Variants in SFT2D3 observed in about 807,000 individuals in gnomAD.
SFT2D3 encodes the protein vesicle transport protein SFT2C.
For synonymous variants in SFT2D3, 239 were observed against 191.2 expected (o/e 1.25, Z -2.06); for missense variants, 405 against 334.6 (o/e 1.21, Z -1.64).
In SFT2D3 at chr2:127,701,967, C is replaced by A; in HGVS notation, c.439C>A (p.Leu147Met). 1 of 1,392,812 alleles carries A rather than the reference C, an allele frequency of 7.2e-7. No homozygotes were observed. The allele number at this position is 1,392,812 out of a possible 1,614,324, so 86.3% of individuals were successfully genotyped here. The change falls in exon 1 of 1, where the codon CTG (leucine) becomes ATG (methionine). Residue 147 changes from leucine to methionine, a missense_variant. By Grantham distance (15) the Leu-to-Met change is conservative. Transcript: ENST00000310981. The stretch of plus-strand genomic sequence containing the variant: ...CGAAGAAGCGCCGTCCCGGCCCGCG[C>A]TGCTCTACATGGCAGCGCTGGGCGC... ...RCEEAPSRPA[L>M]LYMAALGATL...
At position 127,704,652 on chromosome 2, in the gene SFT2D3, A is replaced by G. The variant is rs1325042487; in HGVS notation, c.*2476A>G. ...ATAGTCTCTAGATTCTAACACTGAA[A>G]AGCAGTGTATATGGCTGACATTTTC... On this transcript the variant is annotated 3_prime_UTR_variant, in exon 1 of 1. Coordinates refer to ENST00000310981, the MANE Select transcript of SFT2D3 (RefSeq NM_032740.4). 1 of 167,086 alleles carries G rather than the reference A, an allele frequency of 6.0e-6. No homozygotes were observed. The highest frequency in any genetic ancestry group is 1.5e-5 in the Non-Finnish European group (1 of 68,114). The allele number at this position is 167,086 out of a possible 1,614,324, so 10.4% of individuals were successfully genotyped here. A position where few individuals can be genotyped will look rare whatever the true frequency, so the allele number is the denominator to read the frequency against.
rs1395887348 is a variant in SFT2D3 at position 127,702,058 on chromosome 2, T to C, written c.530T>C (p.Val177Ala). The change falls in exon 1 of 1, where the codon GTG (valine) becomes GCG (alanine). Residue 177 changes from valine (V) to alanine (A), a missense_variant. Val to Ala is a moderately conservative substitution (Grantham distance 64). Coordinates refer to ENST00000310981, the MANE Select transcript of SFT2D3 (RefSeq NM_032740.4). Reference protein sequence around the residue: ...LLTVLGAGAQVAALLAALVGL... With the variant: ...LLTVLGAGAQAAALLAALVGL... ...ACGGTGCTGGGCGCGGGCGCGCAGG[T>C]GGCCGCGCTGCTGGCCGCGCTGGTT... 1.3e-5 allele frequency: 16 copies of C among 1,209,920 alleles called. No homozygotes were observed. The highest frequency in any genetic ancestry group is 4.3e-5 in the Admixed American group (1 of 23,024). The allele number at this position is 1,209,920 out of a possible 1,614,324, so 74.9% of individuals were successfully genotyped here. A position where few individuals can be genotyped will look rare whatever the true frequency, so the allele number is the denominator to read the frequency against.
Position 127,701,760 on chromosome 2 carries a change from G to A in SFT2D3, c.232G>A (p.Ala78Thr), listed in dbSNP as rs1685889299. The change falls in exon 1 of 1, where the codon GCG (alanine) becomes ACG (threonine). Residue 78 changes from alanine (A) to threonine (T), a missense_variant. Coordinates refer to ENST00000310981, the MANE Select transcript of SFT2D3 (RefSeq NM_032740.4). Reference protein sequence around the residue: ...LPSVTRGQRLAAGGGCLLLAA... With the variant: ...LPSVTRGQRLTAGGGCLLLAA... ...GAGCGTGACGCGCGGGCAGCGGCTG[G>A]CGGCGGGCGGCGGGTGCCTGCTGCT... 2.1e-6 allele frequency: 3 copies of A among 1,422,218 alleles called. No homozygotes were observed. The South Asian group carries it at 4.1e-5, about 20-fold the overall frequency. The allele number at this position is 1,422,218 out of a possible 1,614,324, so 88.1% of individuals were successfully genotyped here.
Position 127,701,560 on chromosome 2 carries a change from A to G in SFT2D3, c.32A>G (p.Tyr11Cys). 1.5e-6 allele frequency: 2 copies of G among 1,368,990 alleles called. No homozygotes were observed. The highest frequency in any genetic ancestry group is 9.4e-7 in the Non-Finnish European group (1 of 1,059,920). The allele number at this position is 1,368,990 out of a possible 1,614,324, so 84.8% of individuals were successfully genotyped here. The change falls in exon 1 of 1, where the codon TAC becomes TGC. Residue 11 changes from tyrosine (Y) to cysteine (C), a missense_variant. Tyr to Cys is a radical substitution (Grantham distance 194). Transcript: ENST00000310981. ...GACCTCCACCGCCAGCTGCAGGAGTACCTGGCGCAGGGGAAAGCTGGCGGC... is the reference window on the plus strand; with the variant it reads ...GACCTCCACCGCCAGCTGCAGGAGTGCCTGGCGCAGGGGAAAGCTGGCGGC... Reference protein sequence around the residue: MADLHRQLQEYLAQGKAGGPA... With the variant: MADLHRQLQECLAQGKAGGPA...
chr2:127,701,854 C>G lies in SFT2D3; in HGVS notation c.326C>G (p.Ala109Gly). 1 of 1,461,332 alleles carries G rather than the reference C, an allele frequency of 6.8e-7. No individual in the cohort carries two copies. The highest frequency in any genetic ancestry group is 3.1e-5 in the East Asian group (1 of 32,546). 90.5% of individuals were successfully genotyped at this position (1,461,332 alleles called of 1,614,324 possible). Residue 109 changes from alanine (A) to glycine (G), a missense_variant, in exon 1 of 1, where the codon GCG becomes GGG. Coordinates refer to ENST00000310981, the MANE Select transcript of SFT2D3 (RefSeq NM_032740.4). ...PVLLLRARKF[A>G]LLWSLGSALA... is the part of the protein sequence containing the mutation. ...TTGCTGCTGCGCGCGCGCAAGTTCG[C>G]GCTGCTCTGGTCACTGGGCTCGGCG...
rs1268388797 is a variant in SFT2D3, at chr2:127,702,405, C to A, written c.*229C>A. The A allele has an allele frequency of 9.5e-6, 3 of 317,010 alleles. No homozygotes were observed. The highest frequency in any genetic ancestry group is 1.2e-4 in the East Asian group (2 of 16,572). 19.6% of individuals were successfully genotyped at this position (317,010 alleles called of 1,614,324 possible). A position where few individuals can be genotyped will look rare whatever the true frequency, so the allele number is the denominator to read the frequency against. Reference sequence around the variant, plus strand: ...CTGGACTTGGCACACGCTCTGAAAACTGAGATTTTGTCATTGAACTGGTGA... The same window carrying A: ...CTGGACTTGGCACACGCTCTGAAAAATGAGATTTTGTCATTGAACTGGTGA... On this transcript the variant is annotated 3_prime_UTR_variant, in exon 1 of 1. Transcript: ENST00000310981.
rs187518193 is a variant in SFT2D3, at chr2:127,703,214, G to A, written c.*1038G>A. The A allele has an allele frequency of 6.0e-6, 1 of 166,930 alleles. No individual in the cohort carries two copies. The highest frequency in any genetic ancestry group is 1.5e-5 in the Non-Finnish European group (1 of 68,098). 10.3% of individuals were successfully genotyped at this position (166,930 alleles called of 1,614,324 possible). On this transcript the variant is annotated 3_prime_UTR_variant, in exon 1 of 1. Coordinates refer to ENST00000310981, the MANE Select transcript of SFT2D3 (RefSeq NM_032740.4). ...TAAACATTGTGTGCCAGTGGTCCTCGCGCTTGACTGCACATCAGTTACTTG... is the reference window on the plus strand; with the variant it reads ...TAAACATTGTGTGCCAGTGGTCCTCACGCTTGACTGCACATCAGTTACTTG...
rs1026844794 is a variant in SFT2D3 at position 127,701,577 on chromosome 2, G to A, written c.49G>A (p.Ala17Thr). 1.5e-6 allele frequency: 2 copies of A among 1,363,316 alleles called. No homozygotes were observed. Among genetic ancestry groups the A allele is most frequent in the East Asian group, 3.0e-5 (1 of 33,156 alleles). 84.5% of individuals were successfully genotyped at this position (1,363,316 alleles called of 1,614,324 possible). A position where few individuals can be genotyped will look rare whatever the true frequency, so the allele number is the denominator to read the frequency against. Residue 17 changes from alanine to threonine, a missense_variant, in exon 1 of 1, where the codon GCT becomes ACT. Physicochemically the swap from Ala to Thr is moderately conservative, Grantham distance 58. Transcript: ENST00000310981. ...GCAGGAGTACCTGGCGCAGGGGAAA[G>A]CTGGCGGCCCGGCGGCCGCGGAGCC... ...QLQEYLAQGK[A>T]GGPAAAEPLL...
rs1685940800 is a variant in SFT2D3 at position 127,703,458 on chromosome 2, TCCTC to T, written c.*1284_*1287del. On this transcript the variant is annotated 3_prime_UTR_variant, in exon 1 of 1. Transcript: ENST00000310981. ...CGTGCCGCAGTAGAGCACTGCTGCT[TCCTC>T]CAACCCCAAAATTTATGTTCCTAAG... The T allele has an allele frequency of 6.0e-6, 1 of 167,094 alleles. No homozygotes were observed. The highest frequency in any genetic ancestry group is 2.1e-4 in the South Asian group (1 of 4,828). The allele number at this position is 167,094 out of a possible 1,614,324, so 10.4% of individuals were successfully genotyped here.
Position 127,701,791 on chromosome 2 carries a change from C to A in SFT2D3, c.263C>A (p.Ala88Glu), listed in dbSNP as rs1685891446. 1.4e-6 allele frequency: 2 copies of A among 1,451,208 alleles called. No homozygotes were observed. The highest frequency in any genetic ancestry group is 1.8e-6 in the Non-Finnish European group (2 of 1,105,152). The allele number at this position is 1,451,208 out of a possible 1,614,324, so 89.9% of individuals were successfully genotyped here. A position where few individuals can be genotyped will look rare whatever the true frequency, so the allele number is the denominator to read the frequency against. Reference protein sequence around the residue: ...AAGGGCLLLAALCFGLAALYA... With the variant: ...AAGGGCLLLAELCFGLAALYA... Reference sequence around the variant, plus strand: ...GGCGGCGGGTGCCTGCTGCTGGCTGCACTGTGTTTCGGCCTAGCCGCGCTC... The same window carrying A: ...GGCGGCGGGTGCCTGCTGCTGGCTGAACTGTGTTTCGGCCTAGCCGCGCTC... The change falls in exon 1 of 1, where the codon GCA (alanine) becomes GAA (glutamate). Residue 88 changes from alanine to glutamate, a missense_variant. Coordinates refer to ENST00000310981, the MANE Select transcript of SFT2D3 (RefSeq NM_032740.4).
In SFT2D3 at chr2:127,703,656, G is replaced by GT. The variant is rs1183976412; in HGVS notation, c.*1481dup. ...GGCTGCTTGTGAGAGAGCAAATGCAGTATCTTCAGAATGATTTATTTTTTT... is the reference window on the plus strand; with the variant it reads ...GGCTGCTTGTGAGAGAGCAAATGCAGTTATCTTCAGAATGATTTATTTTTTT... On this transcript the variant is annotated 3_prime_UTR_variant, in exon 1 of 1. Transcript: ENST00000310981. 4.8e-5 allele frequency: 8 copies of GT among 167,048 alleles called. No individual in the cohort carries two copies. The Admixed American group carries it at 5.2e-4, about 11-fold the overall frequency. 10.3% of individuals were successfully genotyped at this position (167,048 alleles called of 1,614,324 possible).
rs1249132983 is a variant in SFT2D3, at chr2:127,702,419, T to C, written c.*243T>C. 3.4e-6 allele frequency: 1 copy of C among 295,036 alleles called. No individual in the cohort carries two copies. Among genetic ancestry groups the C allele is most frequent in the East Asian group, 6.6e-5 (1 of 15,068 alleles). The allele number at this position is 295,036 out of a possible 1,614,324, so 18.3% of individuals were successfully genotyped here. On this transcript the variant is annotated 3_prime_UTR_variant, in exon 1 of 1. Transcript: ENST00000310981. Reference sequence around the variant, plus strand: ...CGCTCTGAAAACTGAGATTTTGTCATTGAACTGGTGACAGGATGTGAGACG... The same window carrying C: ...CGCTCTGAAAACTGAGATTTTGTCACTGAACTGGTGACAGGATGTGAGACG...
In SFT2D3 at chr2:127,701,950, C is replaced by T. The variant is rs760573967; in HGVS notation, c.422C>T (p.Ala141Val). 1.4e-6 allele frequency: 2 copies of T among 1,408,342 alleles called. No individual in the cohort carries two copies. Among genetic ancestry groups the T allele is most frequent in the Non-Finnish European group, 9.2e-7 (1 of 1,088,134 alleles). The allele number at this position is 1,408,342 out of a possible 1,614,324, so 87.2% of individuals were successfully genotyped here. A position where few individuals can be genotyped will look rare whatever the true frequency, so the allele number is the denominator to read the frequency against. ...GGACGCCTGCTGCGCTGCGAAGAAG[C>T]GCCGTCCCGGCCCGCGCTGCTCTAC... ...ACGRLLRCEEAPSRPALLYMA... is the reference protein window; with the variant it reads ...ACGRLLRCEEVPSRPALLYMA... The change falls in exon 1 of 1, where the codon GCG becomes GTG. Residue 141 changes from alanine (A) to valine (V), a missense_variant. Ala to Val is a moderately conservative substitution (Grantham distance 64, BLOSUM62 0). Coordinates refer to ENST00000310981, the MANE Select transcript of SFT2D3 (RefSeq NM_032740.4).
rs1488774748 is a variant in SFT2D3, at chr2:127,704,255, A to ATTGT, written c.*2082_*2085dup. 6.0e-6 allele frequency: 1 copy of ATTGT among 166,996 alleles called. No homozygotes were observed. The highest frequency in any genetic ancestry group is 2.4e-5 in the African/African-American group (1 of 41,470). The allele number at this position is 166,996 out of a possible 1,614,324, so 10.3% of individuals were successfully genotyped here. The stretch of plus-strand genomic sequence containing the variant: ...TTTAATAAGTATAATGTAGAGGTTT[A>ATTGT]TTGTTTAAATGAATTCACTCTCAAA... On this transcript the variant is annotated 3_prime_UTR_variant, in exon 1 of 1. Coordinates refer to ENST00000310981, the MANE Select transcript of SFT2D3 (RefSeq NM_032740.4).
chr2:127,702,359 C>T lies in SFT2D3; in HGVS notation c.*183C>T, dbSNP rs558979569. The T allele has an allele frequency of 9.3e-5, 44 of 471,662 alleles. No homozygotes were observed. Among genetic ancestry groups the T allele is most frequent in the East Asian group, 1.5e-4 (3 of 19,950 alleles). The allele number at this position is 471,662 out of a possible 1,614,324, so 29.2% of individuals were successfully genotyped here. A position where few individuals can be genotyped will look rare whatever the true frequency, so the allele number is the denominator to read the frequency against. ...GGAGGCGACAGCAGCGTTGGGAGCT[C>T]CTCGATGTCAGCTTTTTGTGCTGGA... On this transcript the variant is annotated 3_prime_UTR_variant, in exon 1 of 1. Coordinates refer to ENST00000310981, the MANE Select transcript of SFT2D3 (RefSeq NM_032740.4).
At position 127,701,621 on chromosome 2, in the gene SFT2D3, G is replaced by T; in HGVS notation, c.93G>T (p.Lys31Asn). 6 of 1,338,324 alleles carry T rather than the reference G, an allele frequency of 4.5e-6. No homozygotes were observed. Among genetic ancestry groups the T allele is most frequent in the Non-Finnish European group, 5.7e-6 (6 of 1,046,896 alleles). 82.9% of individuals were successfully genotyped at this position (1,338,324 alleles called of 1,614,324 possible). The change falls in exon 1 of 1, where the codon AAG (lysine) becomes AAT (asparagine). Residue 31 changes from lysine to asparagine, a missense_variant. Physicochemically the swap from Lys to Asn is moderately conservative, Grantham distance 94 (BLOSUM62 0). Coordinates refer to ENST00000310981, the MANE Select transcript of SFT2D3 (RefSeq NM_032740.4). Reference sequence around the variant, plus strand: ...CGGAGCCGCTGCTCGCCGCGGAGAAGGCGGAGGAGCCCGGGGACCGGCCGG... The same window carrying T: ...CGGAGCCGCTGCTCGCCGCGGAGAATGCGGAGGAGCCCGGGGACCGGCCGG... ...AAAEPLLAAE[K>N]AEEPGDRPAE...
Position 127,701,991 on chromosome 2 carries a change from G to A in SFT2D3, c.463G>A (p.Ala155Thr), listed in dbSNP as rs1045235232. ...GCTGCTCTACATGGCAGCGCTGGGC[G>A]CCACGCTGTTCGCCGCGCTGGGCCT... Reference protein sequence around the residue: ...PALLYMAALGATLFAALGLRS... With the variant: ...PALLYMAALGTTLFAALGLRS... The change falls in exon 1 of 1, where the codon GCC becomes ACC. Residue 155 changes from alanine (A) to threonine (T), a missense_variant. By Grantham distance (58) the Ala-to-Thr change is moderately conservative. Transcript: ENST00000310981. The A allele has an allele frequency of 3.0e-6, 4 of 1,339,968 alleles. No individual in the cohort carries two copies. The highest frequency in any genetic ancestry group is 1.7e-5 in the South Asian group (1 of 57,576). The allele number at this position is 1,339,968 out of a possible 1,614,324, so 83.0% of individuals were successfully genotyped here. A position where few individuals can be genotyped will look rare whatever the true frequency, so the allele number is the denominator to read the frequency against.
Position 127,705,084 on chromosome 2 carries a change from G to T in SFT2D3, c.*2908G>T, listed in dbSNP as rs899010912. On this transcript the variant is annotated 3_prime_UTR_variant, in exon 1 of 1. Transcript: ENST00000310981. The surrounding 1 kb of genome is among the most constrained non-coding windows in gnomAD (Gnocchi z 4.5). Reference sequence around the variant, plus strand: ...GCAAGACTCTGTCAAAAAAGGAAAAGAAAAAAAGAAACTTCCAGCACCACT... The same window carrying T: ...GCAAGACTCTGTCAAAAAAGGAAAATAAAAAAAGAAACTTCCAGCACCACT... The T allele has an allele frequency of 1.8e-5, 3 of 166,374 alleles. No individual in the cohort carries two copies. In the Admixed American group the frequency reaches 2.0e-4, roughly 11 times the overall value. 10.3% of individuals were successfully genotyped at this position (166,374 alleles called of 1,614,324 possible). A position where few individuals can be genotyped will look rare whatever the true frequency, so the allele number is the denominator to read the frequency against.
rs1383434772 is a variant in SFT2D3, at chr2:127,705,226, G to A, written c.*3050G>A. Reference sequence around the variant, plus strand: ...AGCTTCCATGTAAAACCAAAATAAAGGTCAGTATAGAAAGTATCATGGGGT... The same window carrying A: ...AGCTTCCATGTAAAACCAAAATAAAAGTCAGTATAGAAAGTATCATGGGGT... On this transcript the variant is annotated 3_prime_UTR_variant, in exon 1 of 1. Transcript: ENST00000310981. The surrounding 1 kb of genome is among the most constrained non-coding windows in gnomAD (Gnocchi z 4.5). 1 of 167,020 alleles carries A rather than the reference G, an allele frequency of 6.0e-6. No individual in the cohort carries two copies. Among genetic ancestry groups the A allele is most frequent in the South Asian group, 2.1e-4 (1 of 4,834 alleles). The allele number at this position is 167,020 out of a possible 1,614,324, so 10.3% of individuals were successfully genotyped here.
Sources: gnomAD v4.1 joint callset for allele counts on GRCh38, gnomAD v4.1.1 for gene constraint, Gnocchi (gnomAD v3.1) non-coding constraint, MANE v1.5 for transcripts, NCBI Gene and HGNC (gene_info 2026-07-23, HGNC 2026-07-21) for gene names.